Variants in PCDHGA7 observed in about 807,000 individuals in gnomAD.
PCDHGA7 encodes protocadherin gamma-A7.
PCDHGA7 carries 44 observed loss-of-function variants against 58.3 expected under a neutral mutation model. That is an observed-to-expected ratio of 0.75 (90% CI 0.59 to 0.97). The LOEUF is 0.97. PCDHGA7 is among the 50% of genes least tolerant of loss of function. The pLI, the probability that PCDHGA7 is intolerant of heterozygous loss-of-function variation, is 0.00. For missense variants in PCDHGA7, 1,266 were observed against 1,188.7 expected, an observed-to-expected ratio of 1.06 and a Z score of -0.96; for synonymous variants, 516 against 504.2, an observed-to-expected ratio of 1.02 and a Z score of -0.31.
At chr5:141,394,607 G>C (rs769750411) in intron 1 of PCDHGA7, 10 of 1,613,414 alleles carry the variant, frequency 6.2e-6, no homozygotes, top group South Asian at 2.2e-5. Context: ...ACAGAGACTC[G>C]GGCCAGAACG....
Position 141,512,559 on chromosome 5 carries a change from C to T in PCDHGA7, c.*1386C>T, listed in dbSNP as rs1396321304. The T allele has an allele frequency of 6.5e-6, 1 of 152,904 alleles. No individual in the cohort carries two copies. The highest frequency in any genetic ancestry group is 1.5e-5 in the Non-Finnish European group (1 of 68,438). The allele number at this position is 152,904 out of a possible 1,614,324, so 9.5% of individuals were successfully genotyped here. ...CCCCAGTGCCTCCTTGTGCATAGAC[C>T]TTCTTCTCCCACCCCCTTCTGCCCC... On this transcript the variant is annotated 3_prime_UTR_variant, in exon 4 of 4. Coordinates refer to ENST00000518325, the MANE Select transcript of PCDHGA7 (RefSeq NM_018920.4).
Position 141,382,981 on chromosome 5 carries a change from GC to G in PCDHGA7, c.83del (p.Ala28GlufsTer50), listed in dbSNP as rs1247248869. ...CCTGGGGACCCCCTGGGAAGCCTGGGCAGGACGTATTCTCTACTCCGTGTCG... is the reference window on the plus strand; with the variant it reads ...CCTGGGGACCCCCTGGGAAGCCTGGGAGGACGTATTCTCTACTCCGTGTCG... Reference protein sequence around the residue: ...ILLGTPWEAWAGRILYSVSEE... With the variant: ...ILLGTPWEAWXGRILYSVSEE... On this transcript the variant is annotated frameshift_variant, in exon 1 of 4. Coordinates refer to ENST00000518325, the MANE Select transcript of PCDHGA7 (RefSeq NM_018920.4). LOFTEE classifies it high-confidence loss of function. 6.2e-7 allele frequency: 1 copy of G among 1,612,206 alleles called. No individual in the cohort carries two copies. Among genetic ancestry groups the G allele is most frequent in the African/African-American group, 1.3e-5 (1 of 74,916 alleles).
intron 1 of PCDHGA7, chr5:141,395,454 C>T (rs75588357): frequency 0.043 from 25,805 of 605,332 alleles, 669 homozygotes; most frequent in South Asian, 0.075. Flanking sequence ...ATTGTTCAAC[C>T]ATTTTAAGCC....
chr5:141,382,918 G>T lies in PCDHGA7; in HGVS notation c.19G>T (p.Gly7Cys). The T allele has an allele frequency of 2.6e-6, 4 of 1,558,926 alleles. No individual in the cohort carries two copies. The highest frequency in any genetic ancestry group is 3.5e-6 in the Non-Finnish European group (4 of 1,152,010). The change falls in exon 1 of 4, where the codon GGC (glycine) becomes TGC (cysteine). Residue 7 changes from glycine to cysteine, a missense_variant. Gly to Cys is a radical substitution (Grantham distance 159, BLOSUM62 -3). Transcript: ENST00000518325. Reference protein sequence around the residue: MAAQPRGGDYRGFFLLS... With the variant: MAAQPRCGDYRGFFLLS... Reference sequence around the variant, plus strand: ...GACGACTATGGCGGCTCAGCCGAGGGGCGGGGACTACAGAGGATTCTTCCT... The same window carrying T: ...GACGACTATGGCGGCTCAGCCGAGGTGCGGGGACTACAGAGGATTCTTCCT...
chr5:141,482,593 G>A (rs1314658005), intron 1 of PCDHGA7, among the ~76,000 whole-genome samples: 4 of 149,900 alleles, frequency 2.7e-5, no homozygotes, highest in Non-Finnish European at 5.9e-5. Flanking sequence ...GGGACCAAAC[G>A]GGAAAAAACA....
chr5:141,388,652 C>A (rs1388425962), intron 1 of PCDHGA7: 1 of 1,613,844 alleles, frequency 6.2e-7, no homozygotes, highest in Non-Finnish European at 8.5e-7. Flanking sequence ...AAAACGTGTA[C>A]CCGGGGACCA....
chr5:141,447,023 G>GTTT, intron 1 of PCDHGA7, among the ~76,000 whole-genome samples: 1 of 151,542 alleles, frequency 6.6e-6, no homozygotes, highest in African/African-American at 2.4e-5. Context: ...GTTTTGTTTT[G>GTTT]TTTTTTTTCT....
chr5:141,446,253 A>T (rs1452074783), intron 1 of PCDHGA7, among the ~76,000 whole-genome samples: 3 of 152,164 alleles, frequency 2.0e-5, no homozygotes, highest in African/African-American at 7.2e-5. Context: ...CTTCAGTGAA[A>T]TATTATTAAC....
At chr5:141,390,138 CTA>C (rs770679519) in intron 1 of PCDHGA7, 6 of 1,613,938 alleles carry the variant, frequency 3.7e-6, no homozygotes, top group Non-Finnish European at 5.1e-6. Flanking sequence ...TTCCTACAAT[CTA>C]TGTGTTGCAC....
chr5:141,448,192 TACAAAC>T (rs2098573842), intron 1 of PCDHGA7, among the ~76,000 whole-genome samples: 1 of 152,188 alleles, frequency 6.6e-6, no homozygotes, highest in Non-Finnish European at 1.5e-5. Flanking sequence ...TATGTACACT[TACAAAC>T]ATTTTCTGTG....
chr5:141,384,705 C>T lies in PCDHGA7; in HGVS notation c.1806C>T (p.Ala602=), dbSNP rs761874903. ...VAVDKDSGQN[A]WLSYLLLKAS... ...TGGACAAAGATTCAGGCCAGAACGC[C>T]TGGCTGTCATACCTCCTGCTTAAGG... The change falls in exon 1 of 4, where the codon GCC becomes GCT. Residue 602 remains alanine (A), a synonymous_variant. Coordinates refer to ENST00000518325, the MANE Select transcript of PCDHGA7 (RefSeq NM_018920.4). 19 of 1,614,140 alleles carry T rather than the reference C, an allele frequency of 1.2e-5. No individual in the cohort carries two copies. The South Asian group carries it at 1.8e-4, about 15-fold the overall frequency.
chr5:141,413,288 C>T (rs2095623576), intron 1 of PCDHGA7: 2 of 1,613,950 alleles, frequency 1.2e-6, no homozygotes, highest in East Asian at 4.5e-5. Flanking sequence ...ATCTCCTACT[C>T]AATTCCTGAG....
rs781370362 is a variant in PCDHGA7, at chr5:141,384,749, T to C, written c.1850T>C (p.Phe617Ser). 8 of 1,613,822 alleles carry C rather than the reference T, an allele frequency of 5.0e-6. No homozygotes were observed. The highest frequency in any genetic ancestry group is 4.2e-6 in the Non-Finnish European group (5 of 1,180,020). ...CTTAAGGCCAGCGAGCCAGGACTCTTTGCGGTTGGGCTGTACACGGGCGAG... is the reference window on the plus strand; with the variant it reads ...CTTAAGGCCAGCGAGCCAGGACTCTCTGCGGTTGGGCTGTACACGGGCGAG... ...LLLKASEPGL[F>S]AVGLYTGEVR... Residue 617 changes from phenylalanine to serine, a missense_variant, in exon 1 of 4, where the codon TTT becomes TCT. Coordinates refer to ENST00000518325, the MANE Select transcript of PCDHGA7 (RefSeq NM_018920.4).
At chr5:141,399,311 A>C in intron 1 of PCDHGA7, 1 of 1,613,970 alleles carries the variant, frequency 6.2e-7, no homozygotes, top group Non-Finnish European at 8.5e-7. Context: ...TCTTCATCCA[A>C]AAATTCGTAT....
chr5:141,410,031 AG>A lies in PCDHGA7; in HGVS notation c.2424+24710del, dbSNP rs1303415196. ...GCCTGGCTGTCCTACCACGTGCTGCAGGCCAGTGAGCCCGGACTCTTCAGCC... is the reference window on the plus strand; with the variant it reads ...GCCTGGCTGTCCTACCACGTGCTGCAGCCAGTGAGCCCGGACTCTTCAGCC... On this transcript the variant is annotated intron_variant, in intron 1 of 3. Coordinates refer to ENST00000518325, the MANE Select transcript of PCDHGA7 (RefSeq NM_018920.4). 3.1e-6 allele frequency: 5 copies of A among 1,613,236 alleles called. No homozygotes were observed. In the South Asian group the frequency reaches 5.5e-5, roughly 18 times the overall value.
chr5:141,454,618 C>T (rs1259161504), intron 1 of PCDHGA7, among the ~76,000 whole-genome samples: 1 of 151,470 alleles, frequency 6.6e-6, no homozygotes, highest in Non-Finnish European at 1.5e-5. Flanking sequence ...GTTGGTCAGG[C>T]TGGTCTCGAA....
chr5:141,438,471 A>C (rs1019238906), intron 1 of PCDHGA7, among the ~76,000 whole-genome samples: 4 of 151,396 alleles, frequency 2.6e-5, no homozygotes, highest in Admixed American at 2.6e-4. Flanking sequence ...CAATTATTGG[A>C]AAGTGGTCTC....
rs373048330 is a variant in PCDHGA7 at position 141,384,937 on chromosome 5, C to A, written c.2038C>A (p.Pro680Thr). Residue 680 changes from proline to threonine, a missense_variant, in exon 1 of 4, where the codon CCC becomes ACC. Pro to Thr is a conservative substitution (Grantham distance 38). Coordinates refer to ENST00000518325, the MANE Select transcript of PCDHGA7 (RefSeq NM_018920.4). Reference sequence around the variant, plus strand: ...CTTGGCCGACCTGGGCAGCCTTGAGCCCTCCGACGGTCCTTACAACTATGA... The same window carrying A: ...CTTGGCCGACCTGGGCAGCCTTGAGACCTCCGACGGTCCTTACAACTATGA... ...EVLADLGSLE[P>T]SDGPYNYDLT... The A allele has an allele frequency of 1.6e-4, 255 of 1,614,068 alleles. 1 individual carries two copies. The South Asian group carries it at 2.7e-3, about 17-fold the overall frequency.
chr5:141,400,483 C>T (rs748464990), intron 1 of PCDHGA7: 1 of 1,614,020 alleles, frequency 6.2e-7, no homozygotes, highest in South Asian at 1.1e-5. Flanking sequence ...GGCCTTATTT[C>T]CACTTTGTAA....
Sources: allele counts gnomAD v4.1 joint callset (sites outside exome capture counted in the v4.1 genomes callset), GRCh38; gene constraint gnomAD v4.1.1; transcripts MANE v1.5; gene names NCBI Gene and HGNC (gene_info 2026-07-23, HGNC 2026-07-21).